Variants in IGFBPL1 observed in about 807,000 individuals in gnomAD.
IGFBPL1 encodes the protein insulin-like growth factor-binding protein-like 1.
In IGFBPL1, 20 loss-of-function variants were observed where a neutral mutation model predicts 23.9. The ratio of observed to expected loss-of-function variants is 0.84; its 90% CI spans 0.59 to 1.22. IGFBPL1 has a LOEUF of 1.22. Ranked by LOEUF, IGFBPL1 falls within the 50% of genes most tolerant of loss-of-function variation. The pLI, the probability that IGFBPL1 is intolerant of heterozygous loss-of-function variation, is 0.00. For synonymous variants in IGFBPL1, 184 were observed against 171.8 expected, an observed-to-expected ratio of 1.07 and a Z score of -0.56; for missense variants, 436 against 379.3, an observed-to-expected ratio of 1.15 and a Z score of -1.24.
chr9:38,421,774 T>G lies in IGFBPL1; in HGVS notation c.460+2191A>C, dbSNP rs117886996. Among the ~76,000 whole-genome samples the G allele has an allele frequency of 3.3e-5, 5 of 152,284 alleles. No individual in the cohort carries two copies. In the East Asian group the frequency reaches 9.7e-4, roughly 29 times the overall value. ...CCCCTGTCCAAACCTTCATGCTTTA[T>G]CTGGACACAAGGGCAGAGGCCACAC... On this transcript the variant is annotated intron_variant, in intron 1 of 4. Coordinates refer to ENST00000377694, the MANE Select transcript of IGFBPL1 (RefSeq NM_001007563.3).
Position 38,411,427 on chromosome 9 carries a change from G to C in IGFBPL1, c.810C>G (p.His270Gln). 1 of 1,613,772 alleles carries C rather than the reference G, an allele frequency of 6.2e-7. No homozygotes were observed. The highest frequency in any genetic ancestry group is 8.5e-7 in the Non-Finnish European group (1 of 1,179,880). ...ACATGCGGTCATCGGGAGCTGGGAA[G>C]TGGAAGCTCCTGTATTTACTCAGAT... ...VLDLSKYRSF[H>Q]FPAPDDRM Residue 270 changes from histidine (H) to glutamine (Q), a missense_variant, in exon 4 of 5, where the codon CAC (histidine) becomes CAG (glutamine). Physicochemically the swap from His to Gln is conservative, Grantham distance 24. Transcript: ENST00000377694.
intron 1 of IGFBPL1, 86 bp from the exon 2 acceptor site, chr9:38,414,289 C>T (rs1163030479): frequency 8.2e-6 from 6 of 732,176 alleles, no homozygotes; most frequent in East Asian, 5.1e-5. Context: ...GCGGAGAGCC[C>T]GCTGTGATGT....
chr9:38,424,324 C>A lies in IGFBPL1; in HGVS notation c.101G>T (p.Arg34Leu), dbSNP rs1017396105. ...CCGGCACGGACCACACTTGGGGCGC[C>A]GGCCGCCCACGTCGCGGATCCCAAG... is the stretch of plus-strand genomic sequence containing the variant. Reference protein sequence around the residue: ...PSLGIRDVGGRRPKCGPCRPE... With the variant: ...PSLGIRDVGGLRPKCGPCRPE... The change falls in exon 1 of 5, where the codon CGG becomes CTG. Residue 34 changes from arginine (R) to leucine (L), a missense_variant. By Grantham distance (102) the Arg-to-Leu change is moderately radical (BLOSUM62 -2). Transcript: ENST00000377694. 1.3e-5 allele frequency: 14 copies of A among 1,114,716 alleles called. No individual in the cohort carries two copies. The highest frequency in any genetic ancestry group is 1.7e-5 in the Non-Finnish European group (14 of 814,190). 69.1% of individuals were successfully genotyped at this position (1,114,716 alleles called of 1,614,324 possible). A position where few individuals can be genotyped will look rare whatever the true frequency, so the allele number is the denominator to read the frequency against.
chr9:38,423,868 G>T, intron 1 of IGFBPL1, 97 bp downstream of exon 1: 1 of 1,164,404 alleles, frequency 8.6e-7, no homozygotes, highest in Admixed American at 4.3e-5. Flanking sequence ...GTGCCAGGCA[G>T]CGCCGTCCAC....
intron 4 of IGFBPL1, among the ~76,000 whole-genome samples, chr9:38,410,259 G>T (rs2118296957): frequency 6.6e-6 from 1 of 152,262 alleles, no homozygotes; most frequent in South Asian, 2.1e-4. Flanking sequence ...AAGGCGGGCG[G>T]ATCATGAAGT....
rs1475103 is a variant in IGFBPL1, at chr9:38,407,094, T to C, written c.*2133A>G. ...GACACAGGAGAATTAACTGCAGGCCTTCACACATGGAAGTCAGTCACAGTG... is the reference window on the plus strand; with the variant it reads ...GACACAGGAGAATTAACTGCAGGCCCTCACACATGGAAGTCAGTCACAGTG... On this transcript the variant is annotated 3_prime_UTR_variant, in exon 5 of 5. Transcript: ENST00000377694. Among the ~76,000 whole-genome samples, 104,021 of 151,054 alleles carry C rather than the reference T, an allele frequency of 0.69. 35,919 individuals carry two copies. Among genetic ancestry groups the C allele is most frequent in the Middle Eastern group, 0.76 (217 of 286 alleles).
In IGFBPL1 at chr9:38,420,753, C is replaced by T. The variant is rs568589662; in HGVS notation, c.460+3212G>A. Among the ~76,000 whole-genome samples the T allele has an allele frequency of 3.9e-5, 6 of 152,244 alleles. No homozygotes were observed. In the South Asian group the frequency reaches 1.0e-3, roughly 26 times the overall value. Reference sequence around the variant, plus strand: ...TCTGGAGGCTGAGGCAGGAGAATGGCGTGAACCCAGGAGGTGGAGCTTGCA... The same window carrying T: ...TCTGGAGGCTGAGGCAGGAGAATGGTGTGAACCCAGGAGGTGGAGCTTGCA... On this transcript the variant is annotated intron_variant, in intron 1 of 4. Transcript: ENST00000377694.
Position 38,424,083 on chromosome 9 carries a change from G to C in IGFBPL1, c.342C>G (p.Val114=). The change falls in exon 1 of 5, where the codon GTC becomes GTG. Residue 114 remains valine, a synonymous_variant. Transcript: ENST00000377694. Reference sequence around the variant, plus strand: ...GGTACGAGCGACCGTCGGAGCCGCAGACGGTGCCGCGCTGCGCGCACACGC... The same window carrying C: ...GGTACGAGCGACCGTCGGAGCCGCACACGGTGCCGCGCTGCGCGCACACGC... The part of the protein sequence containing the change: ...GLCVCAQRGT[V]CGSDGRSYPS... The C allele has an allele frequency of 1.4e-6, 2 of 1,392,886 alleles. No individual in the cohort carries two copies. Among genetic ancestry groups the C allele is most frequent in the East Asian group, 3.1e-5 (1 of 32,282 alleles). 86.3% of individuals were successfully genotyped at this position (1,392,886 alleles called of 1,614,324 possible).
At chr9:38,414,033 T>TCACACA (rs3045140) in intron 2 of IGFBPL1, 61 bp downstream of exon 2, 17,365 of 757,760 alleles carry the variant, frequency 0.023, 128 homozygotes, top group South Asian at 0.037. Flanking sequence ...TCCCTCTTTC[T>TCACACA]CACACACACA....
At position 38,424,258 on chromosome 9, in the gene IGFBPL1, C is replaced by CCGGGCGCCGGGCAGGGCG. The variant is rs1438188417; in HGVS notation, c.149_166dup (p.Ala50_Pro55dup). The CCGGGCGCCGGGCAGGGCG allele has an allele frequency of 3.3e-6, 4 of 1,224,202 alleles. No homozygotes were observed. The highest frequency in any genetic ancestry group is 6.9e-5 in the East Asian group (2 of 29,116). The allele number at this position is 1,224,202 out of a possible 1,614,324, so 75.8% of individuals were successfully genotyped here. On this transcript the variant is annotated inframe_insertion, in exon 1 of 5. Transcript: ENST00000377694. Reference sequence around the variant, plus strand: ...GCCGCACTCGTCGAGCGCCGAGATCCCGGGCGCCGGGCAGGGCGCAGGCGC... The same window carrying CCGGGCGCCGGGCAGGGCG: ...GCCGCACTCGTCGAGCGCCGAGATCCCGGGCGCCGGGCAGGGCGCGGGCGCCGGGCAGGGCGCAGGCGC...
chr9:38,413,706 G>C (rs1042098273), intron 2 of IGFBPL1, among the ~76,000 whole-genome samples: 8 of 152,132 alleles, frequency 5.3e-5, no homozygotes, highest in African/African-American at 1.4e-4. Context: ...TTTGGAATAG[G>C]ACTGAGTCTT....
intron 1 of IGFBPL1, among the ~76,000 whole-genome samples, chr9:38,417,608 A>C (rs943193161): frequency 1.6e-4 from 25 of 152,336 alleles, no homozygotes; most frequent in African/African-American, 6.0e-4. Context: ...AGGAGGACTC[A>C]CAGGACTCAG....
At chr9:38,415,524 G>C (rs1468933540) in intron 1 of IGFBPL1, among the ~76,000 whole-genome samples, 1 of 152,154 alleles carries the variant, frequency 6.6e-6, no homozygotes, top group Non-Finnish European at 1.5e-5. Flanking sequence ...AGCAGACCCT[G>C]TCAAGCCAGT....
At position 38,424,369 on chromosome 9, in the gene IGFBPL1, AGCAGCG is replaced by A; in HGVS notation, c.50_55del (p.Pro17_Leu18del). ...CCCAAGGCTCGGGGACAGCGGCGGC[AGCAGCG>A]GCAGCAGCAGCAGAAGCAGCAGCGG... is the stretch of plus-strand genomic sequence containing the variant. On this transcript the variant is annotated inframe_deletion, in exon 1 of 5. Coordinates refer to ENST00000377694, the MANE Select transcript of IGFBPL1 (RefSeq NM_001007563.3). 1.5e-6 allele frequency: 1 copy of A among 686,442 alleles called. No homozygotes were observed. Among genetic ancestry groups the A allele is most frequent in the Non-Finnish European group, 2.4e-6 (1 of 413,594 alleles). The allele number at this position is 686,442 out of a possible 1,614,324, so 42.5% of individuals were successfully genotyped here.
At chr9:38,419,863 C>T (rs994572054) in intron 1 of IGFBPL1, among the ~76,000 whole-genome samples, 7 of 145,974 alleles carry the variant, frequency 4.8e-5, no homozygotes, top group Admixed American at 2.7e-4. Flanking sequence ...CTCCTCCTCC[C>T]CCTCCTCCTC....
chr9:38,424,167 G>A lies in IGFBPL1; in HGVS notation c.258C>T (p.Gly86=). 8.5e-7 allele frequency: 1 copy of A among 1,180,798 alleles called. No homozygotes were observed. Among genetic ancestry groups the A allele is most frequent in the African/African-American group, 1.6e-5 (1 of 62,192 alleles). The allele number at this position is 1,180,798 out of a possible 1,614,324, so 73.1% of individuals were successfully genotyped here. A position where few individuals can be genotyped will look rare whatever the true frequency, so the allele number is the denominator to read the frequency against. The change falls in exon 1 of 5, where the codon GGC becomes GGT. Residue 86 remains glycine (G), a synonymous_variant. Transcript: ENST00000377694. ...CCTGGCTCGCGCATACCAGGCCGGG[G>A]CCACAGCGCCCGCCGGCGCGGCCCC... is the stretch of plus-strand genomic sequence containing the variant. The part of the protein sequence containing the change: ...SCGGRAGGRC[G]PGLVCASQAA...
intron 4 of IGFBPL1, among the ~76,000 whole-genome samples, chr9:38,410,658 C>G (rs538841379): frequency 5.9e-5 from 9 of 152,304 alleles, no homozygotes; most frequent in African/African-American, 2.2e-4. Flanking sequence ...AGGGCCACAG[C>G]CAGCTCACAG....
rs564240726 is a variant in IGFBPL1 at position 38,407,859 on chromosome 9, A to C, written c.*1368T>G. ...TGAACTTAAAGGACTGTGCATAGTA[A>C]GGGCTCTCAATTCTTATTTTAAAAT... On this transcript the variant is annotated 3_prime_UTR_variant, in exon 5 of 5. Transcript: ENST00000377694. 2.1e-3 allele frequency among the ~76,000 whole-genome samples: 314 copies of C among 152,306 alleles called. No homozygotes were observed. Among genetic ancestry groups the C allele is most frequent in the Non-Finnish European group, 2.9e-3 (197 of 68,028 alleles).
At position 38,408,665 on chromosome 9, in the gene IGFBPL1, T is replaced by C. The variant is rs1281757405; in HGVS notation, c.*562A>G. Among the ~76,000 whole-genome samples, 3 of 152,184 alleles carry C rather than the reference T, an allele frequency of 2.0e-5. No homozygotes were observed. Among genetic ancestry groups the C allele is most frequent in the Non-Finnish European group, 4.4e-5 (3 of 68,036 alleles). ...GAAAGAACACTAAGACCACACTTCCTGTTATTTTCCCAAAAGGCCATCTTA... is the reference window on the plus strand; with the variant it reads ...GAAAGAACACTAAGACCACACTTCCCGTTATTTTCCCAAAAGGCCATCTTA... On this transcript the variant is annotated 3_prime_UTR_variant, in exon 5 of 5. Coordinates refer to ENST00000377694, the MANE Select transcript of IGFBPL1 (RefSeq NM_001007563.3).
Sources: allele counts gnomAD v4.1 joint callset (sites outside exome capture counted in the v4.1 genomes callset), GRCh38; gene constraint gnomAD v4.1.1; transcripts MANE v1.5; gene names NCBI Gene and HGNC (gene_info 2026-07-23, HGNC 2026-07-21).